The following CST8 variants were observed in gnomAD, a reference collection of about 807,000 sequenced individuals.
CST8 encodes the protein cystatin 8, also known as cystatin-8.
CST8 carries 20 observed loss-of-function variants against 11.8 expected under a neutral mutation model. The ratio of observed to expected loss-of-function variants is 1.70; its 90% confidence interval spans 1.20 to 2.47. The LOEUF is 2.47. CST8 is among the 30% of genes most tolerant of loss of function. CST8 has a pLI of 0.00. For missense variants in CST8, 196 were observed against 167.2 expected (o/e 1.17, Z -0.95); for synonymous variants, 77 against 63.1 (o/e 1.22, Z -1.05).
At chr20:23,505,135 C>A in the CST8 span, among the ~76,000 whole-genome samples, 1 of 139,292 alleles carries the variant, frequency 7.2e-6, no homozygotes, top group Non-Finnish European at 1.5e-5. Flanking sequence ...AGGCAAGAAG[C>A]ATTCTTTTTT....
chr20:23,494,951 T>C (rs1378621957), intron 3 of CST8, among the ~76,000 whole-genome samples: 1 of 152,112 alleles, frequency 6.6e-6, no homozygotes, highest in Non-Finnish European at 1.5e-5. Flanking sequence ...TTTTTTCTGA[T>C]CCTCTCTCTC....
rs1030012324 is a variant in CST8 at position 23,495,986 on chromosome 20, G to A, written c.*72G>A. On this transcript the variant is annotated 3_prime_UTR_variant, in exon 4 of 4. Transcript: ENST00000246012. ...GAAAATGAAGCAATGGCAGGTGGGA[G>A]GCTCTTCCCAATGTGCTTTCTTCAT... 3.3e-6 allele frequency: 4 copies of A among 1,205,112 alleles called. No individual in the cohort carries two copies. Among genetic ancestry groups the A allele is most frequent in the South Asian group, 2.6e-5 (2 of 75,858 alleles). The allele number at this position is 1,205,112 out of a possible 1,614,324, so 74.7% of individuals were successfully genotyped here. A position where few individuals can be genotyped will look rare whatever the true frequency, so the allele number is the denominator to read the frequency against.
At chr20:23,499,922 A>T (rs1988142357), downstream of CST8, among the ~76,000 whole-genome samples, 1 of 152,090 alleles carries the variant, frequency 6.6e-6, no homozygotes, top group South Asian at 2.1e-4. Flanking sequence ...ACAGTTCTGT[A>T]AGCGGTAGCA....
rs375989867 is a variant in CST8 at position 23,495,284 on chromosome 20, T to C, written c.346-547T>C. 1.3e-3 allele frequency among the ~76,000 whole-genome samples: 193 copies of C among 152,240 alleles called. 1 individual carries two copies. The highest frequency in any genetic ancestry group is 0.012 in the South Asian group (58 of 4,814). On this transcript the variant is annotated intron_variant, in intron 3 of 3. Transcript: ENST00000246012. ...GTGCTGCAGTGAACATACATGTGCA[T>C]GTGTCTTCGTGGTAGAACAATTTAT...
the CST8 span, among the ~76,000 whole-genome samples, chr20:23,506,960 A>G: frequency 0.64 from 98,008 of 152,056 alleles, 32,725 homozygotes; most frequent in African/African-American, 0.83. Flanking sequence ...TAAACCTTGA[A>G]CACCATAAAC....
chr20:23,506,597 A>G, the CST8 span, among the ~76,000 whole-genome samples: 2 of 152,100 alleles, frequency 1.3e-5, no homozygotes, highest in African/African-American at 4.8e-5. Context: ...TTGGTATCAC[A>G]CAGATTTTTT....
downstream of CST8, among the ~76,000 whole-genome samples, chr20:23,498,634 T>G (rs1368352931): frequency 6.6e-6 from 1 of 152,238 alleles, no homozygotes; most frequent in Admixed American, 6.5e-5. Flanking sequence ...CTTCAGCCCC[T>G]GCCTGTGGTC....
At chr20:23,495,447 A>G (rs993319775) in intron 3 of CST8, among the ~76,000 whole-genome samples, 1 of 152,214 alleles carries the variant, frequency 6.6e-6, no homozygotes, top group Non-Finnish European at 1.5e-5. Context: ...TTTGTCCACA[A>G]CCTTGCCAAT....
At chr20:23,506,865 G>C in the CST8 span, among the ~76,000 whole-genome samples, 3 of 138,822 alleles carry the variant, frequency 2.2e-5, no homozygotes, top group Admixed American at 7.4e-5. Context: ...TGTCTCATTG[G>C]CGAAGAGAAG....
chr20:23,502,343 A>G, the CST8 span, among the ~76,000 whole-genome samples: 1 of 152,248 alleles, frequency 6.6e-6, no homozygotes. Context: ...GGTATGTGCT[A>G]GTGTGAGACA....
chr20:23,497,479 A>G (rs905103094), downstream of CST8, among the ~76,000 whole-genome samples: 1 of 152,256 alleles, frequency 6.6e-6, no homozygotes, highest in African/African-American at 2.4e-5. Flanking sequence ...CCCCTGTGAC[A>G]GAACTAGTAG....
chr20:23,505,769 T>A, the CST8 span, among the ~76,000 whole-genome samples: 1 of 152,116 alleles, frequency 6.6e-6, no homozygotes, highest in Non-Finnish European at 1.5e-5. Context: ...GGGAGCTTGC[T>A]AGCAATGCTG....
At chr20:23,502,113 C>G in the CST8 span, among the ~76,000 whole-genome samples, 1 of 152,168 alleles carries the variant, frequency 6.6e-6, no homozygotes, top group Non-Finnish European at 1.5e-5. Flanking sequence ...AAAGCCACAC[C>G]TGCTTGTGGA....
At chr20:23,497,769 A>G (rs1988086792), downstream of CST8, among the ~76,000 whole-genome samples, 1 of 152,216 alleles carries the variant, frequency 6.6e-6, no homozygotes, top group Non-Finnish European at 1.5e-5. Flanking sequence ...ATTCACTACC[A>G]CAGAAACAGT....
intron 2 of CST8, among the ~76,000 whole-genome samples, chr20:23,492,639 A>AAAG (rs1987923608): frequency 6.6e-6 from 1 of 152,196 alleles, no homozygotes; most frequent in African/African-American, 2.4e-5. Flanking sequence ...TTCACCTCTC[A>AAAG]GTCCTCACTG....
At chr20:23,496,103 C>T, downstream of CST8, 1 of 570,814 alleles carries the variant, frequency 1.8e-6, no homozygotes, top group Admixed American at 3.4e-5. Context: ...TGGCACCGAA[C>T]ACAGCCACGC....
chr20:23,496,775 A>G (rs1252592116), downstream of CST8, among the ~76,000 whole-genome samples: 4 of 152,178 alleles, frequency 2.6e-5, no homozygotes, highest in Non-Finnish European at 5.9e-5. Context: ...ACCCTCAGGG[A>G]TGCATTCTCT....
the CST8 span, among the ~76,000 whole-genome samples, chr20:23,502,948 T>A: frequency 6.6e-6 from 1 of 152,144 alleles, no homozygotes. Flanking sequence ...TGGCTCCTAC[T>A]AAAAAAAGAA....
chr20:23,493,712 C>A (rs1987960055), intron 3 of CST8, among the ~76,000 whole-genome samples: 1 of 152,202 alleles, frequency 6.6e-6, no homozygotes, highest in African/African-American at 2.4e-5. Context: ...TATCTCAGAG[C>A]AGCTCATAGG....
Sources: gnomAD v4.1 joint callset for allele counts (sites outside exome capture counted in the v4.1 genomes callset) on GRCh38, gnomAD v4.1.1 for gene constraint, MANE v1.5 for transcripts, NCBI Gene and HGNC (gene_info 2026-07-23, HGNC 2026-07-21) for gene names.